ALDH6A1: variants seen among roughly 807,000 people sequenced by gnomAD.
ALDH6A1 encodes methylmalonate-semialdehyde/malonate-semialdehyde dehydrogenase [acylating], mitochondrial.
Under a neutral mutation model 62.6 loss-of-function variants are expected in ALDH6A1, and 43 were observed. The ratio of observed to expected loss-of-function variants is 0.69; its 90% CI spans 0.54 to 0.89. The LOEUF (loss-of-function observed/expected upper bound fraction) is 0.89. Ranked by LOEUF, ALDH6A1 falls within the 40% of genes least tolerant of loss-of-function variation. The pLI is 0.00. For missense variants in ALDH6A1, 551 were observed against 661.3 expected, an observed-to-expected ratio of 0.83 and a Z score of 1.83; for synonymous variants, 194 against 234.2, an observed-to-expected ratio of 0.83 and a Z score of 1.57.
chr14:74,075,795 T>C (rs1324677433), intron 1 of ALDH6A1, among the ~76,000 whole-genome samples: 1 of 152,246 alleles, frequency 6.6e-6, no homozygotes, highest in African/African-American at 2.4e-5. Context: ...ATAAGAACTT[T>C]ATTTGTAGTA....
At chr14:74,072,017 C>G in intron 4 of ALDH6A1, 43 bp from the exon 5 acceptor site, 1 of 1,600,792 alleles carries the variant, frequency 6.2e-7, no homozygotes, top group East Asian at 2.2e-5. Context: ...CAAGAATGTT[C>G]CTCTTTTAAA....
At chr14:74,066,047 GC>G (rs576372660) in intron 9 of ALDH6A1, 36 of 154,938 alleles carry the variant, frequency 2.3e-4, no homozygotes, top group African/African-American at 7.7e-4. Flanking sequence ...AGTCATGTTA[GC>G]TGAGAGACTT....
chr14:74,075,500 T>TA (rs1164369921), intron 1 of ALDH6A1, among the ~76,000 whole-genome samples: 1 of 151,606 alleles, frequency 6.6e-6, no homozygotes, highest in South Asian at 2.1e-4. Context: ...TACAAAAAAT[T>TA]AAAAAATTAG....
intron 1 of ALDH6A1, among the ~76,000 whole-genome samples, chr14:74,078,838 T>C (rs368405590): frequency 2.0e-5 from 3 of 151,920 alleles, no homozygotes; most frequent in East Asian, 3.9e-4. Flanking sequence ...CACATTTTTG[T>C]ATTTTTAGTA....
Position 74,064,894 on chromosome 14 carries a change from C to T in ALDH6A1, c.1431G>A (p.Val477=), listed in dbSNP as rs2060434555. 6.2e-7 allele frequency: 1 copy of T among 1,613,902 alleles called. No homozygotes were observed. Among genetic ancestry groups the T allele is most frequent in the African/African-American group, 1.3e-5 (1 of 74,884 alleles). Residue 477 remains valine (V), a synonymous_variant, in exon 11 of 12, where the codon GTG becomes GTA. Coordinates refer to ENST00000553458, the MANE Select transcript of ALDH6A1 (RefSeq NM_005589.4). Reference sequence around the variant, plus strand: ...CGGTGAATGAGAACATTGGCAAAGGCACTGGAATGGGGACATTCACTCCCA... The same window carrying T: ...CGGTGAATGAGAACATTGGCAAAGGTACTGGAATGGGGACATTCACTCCCA... ...GQVGVNVPIP[V]PLPMFSFTGS...
At chr14:74,061,568 C>T (rs1038895868) in intron 11 of ALDH6A1, among the ~76,000 whole-genome samples, 9 of 148,002 alleles carry the variant, frequency 6.1e-5, no homozygotes, top group African/African-American at 2.0e-4. Context: ...TCAGGTGATC[C>T]GCCAGTCTTG....
rs768631743 is a variant in ALDH6A1 at position 74,066,895 on chromosome 14, C to T, written c.1043-9G>A. ...AGCTCCAGGCTGATCTCCTGTAAAA[C>T]AACACAGAAGAATTTAAGGTCCTCA... is the stretch of plus-strand genomic sequence containing the variant. On this transcript the variant is annotated splice_polypyrimidine_tract_variant and intron_variant, in intron 8 of 11. Transcript: ENST00000553458. The T allele has an allele frequency of 6.2e-7, 1 of 1,612,946 alleles. No homozygotes were observed. The highest frequency in any genetic ancestry group is 8.5e-7 in the Non-Finnish European group (1 of 1,179,006).
At position 74,059,631 on chromosome 14, in the gene ALDH6A1, G is replaced by T. The variant is rs181399266; in HGVS notation, c.*1011C>A. On this transcript the variant is annotated 3_prime_UTR_variant, in exon 12 of 12. Transcript: ENST00000553458. ...AATCGCTTGAACCTGGGAGGCGGAG[G>T]TTGCGGTGAGCTGAGATCACGCCAT... The T allele has an allele frequency of 6.9e-4, 167 of 240,410 alleles. No homozygotes were observed. The highest frequency in any genetic ancestry group is 1.7e-3 in the Middle Eastern group (1 of 600). The allele number at this position is 240,410 out of a possible 1,614,324, so 14.9% of individuals were successfully genotyped here.
At chr14:74,076,031 G>A (rs2060609346) in intron 1 of ALDH6A1, among the ~76,000 whole-genome samples, 1 of 152,180 alleles carries the variant, frequency 6.6e-6, no homozygotes, top group Non-Finnish European at 1.5e-5. Flanking sequence ...AAACAAATCT[G>A]TAATATCAGA....
rs541158367 is a variant in ALDH6A1, at chr14:74,062,225, G to A, written c.1504-1479C>T. ...AAAAATAAATAAATGGAGAGGGTGG[G>A]CAGGGAACAATTTTTAAACAATAGT... is the stretch of plus-strand genomic sequence containing the variant. On this transcript the variant is annotated intron_variant, in intron 11 of 11. Coordinates refer to ENST00000553458, the MANE Select transcript of ALDH6A1 (RefSeq NM_005589.4). 2.6e-5 allele frequency among the ~76,000 whole-genome samples: 4 copies of A among 152,056 alleles called. No individual in the cohort carries two copies. The South Asian group carries it at 8.3e-4, about 32-fold the overall frequency.
chr14:74,069,840 C>T (rs10149424), intron 6 of ALDH6A1, among the ~76,000 whole-genome samples: 2,621 of 147,840 alleles, frequency 0.018, 53 homozygotes, highest in African/African-American at 0.048. Flanking sequence ...ATTTCTACTT[C>T]TAATCTAACC....
chr14:74,079,429 G>GC (rs2060648335), intron 1 of ALDH6A1, among the ~76,000 whole-genome samples: 1 of 135,272 alleles, frequency 7.4e-6, no homozygotes, highest in Non-Finnish European at 1.6e-5. Context: ...TTTTCTTATT[G>GC]TTTTTTTTTT....
At chr14:74,065,441 C>G in intron 9 of ALDH6A1, 81 bp from the exon 10 acceptor site, 1 of 1,258,236 alleles carries the variant, frequency 7.9e-7, no homozygotes, top group African/African-American at 1.5e-5. Flanking sequence ...CTTTCACTTA[C>G]TACACATCAT....
rs1446369145 is a variant in ALDH6A1 at position 74,056,910 on chromosome 14, T to TA, written c.*3731dup. On this transcript the variant is annotated 3_prime_UTR_variant, in exon 12 of 12. Coordinates refer to ENST00000553458, the MANE Select transcript of ALDH6A1 (RefSeq NM_005589.4). ...GTTGACTTTTACCCACTACAGGAAA[T>TA]ACAACCAGAGTTCTAGGCCTCCAGT... The TA allele has an allele frequency of 3.3e-5, 54 of 1,612,190 alleles. No homozygotes were observed. In the Admixed American group the frequency reaches 9.0e-4, roughly 27 times the overall value.
chr14:74,078,384 C>T (rs374116838), intron 1 of ALDH6A1: 40 of 379,234 alleles, frequency 1.1e-4, no homozygotes, highest in East Asian at 6.6e-4. Context: ...GATAGGGTCT[C>T]GTCCTGTCTC....
At chr14:74,079,663 A>T (rs905023424) in intron 1 of ALDH6A1, among the ~76,000 whole-genome samples, 1 of 149,086 alleles carries the variant, frequency 6.7e-6, no homozygotes, top group East Asian at 2.0e-4. Flanking sequence ...CGATCTCCTG[A>T]CCTCATGATC....
rs2060561047 is a variant in ALDH6A1, at chr14:74,072,286, C to G, written c.265G>C (p.Ala89Pro). The change falls in exon 4 of 12, where the codon GCT becomes CCT. Residue 89 changes from alanine (A) to proline (P), a missense_variant. Transcript: ENST00000553458. Reference sequence around the variant, plus strand: ...GAAGTGTCTGCCCATGCAGGAAAAGCACGTTTGCAGGAAGCAATGGCTGCA... The same window carrying G: ...GAAGTGTCTGCCCATGCAGGAAAAGGACGTTTGCAGGAAGCAATGGCTGCA... The part of the protein sequence containing the change: ...MDAAIASCKR[A>P]FPAWADTSVL... 1 of 1,614,090 alleles carries G rather than the reference C, an allele frequency of 6.2e-7. No individual in the cohort carries two copies. Among genetic ancestry groups the G allele is most frequent in the Non-Finnish European group, 8.5e-7 (1 of 1,180,050 alleles).
At chr14:74,074,023 C>T (rs998287589) in intron 2 of ALDH6A1, among the ~76,000 whole-genome samples, 4 of 149,270 alleles carry the variant, frequency 2.7e-5, no homozygotes, top group South Asian at 2.1e-4. Context: ...TCTACTTTGT[C>T]ACCCAGGTTG....
intron 6 of ALDH6A1, among the ~76,000 whole-genome samples, chr14:74,069,804 T>C (rs2060523914): frequency 6.6e-6 from 1 of 151,680 alleles, no homozygotes; most frequent in Non-Finnish European, 1.5e-5. Context: ...TTTCCTTTCA[T>C]GATTTTTCTC....
Sources: gnomAD v4.1 joint callset for allele counts (sites outside exome capture counted in the v4.1 genomes callset) on GRCh38, gnomAD v4.1.1 for gene constraint, MANE v1.5 for transcripts, NCBI Gene and HGNC (gene_info 2026-07-23, HGNC 2026-07-21) for gene names.